LIN7A: variants seen among roughly 807,000 people sequenced by gnomAD.
LIN7A encodes the protein lin-7 cell polarity scaffold A, also known as protein lin-7 homolog A.
In LIN7A, 25 loss-of-function variants were observed where a neutral mutation model predicts 29.8. That is an observed-to-expected ratio of 0.84 (90% CI 0.61 to 1.17). LIN7A has a LOEUF of 1.17. Ranked by LOEUF, LIN7A falls within the 50% of genes most tolerant of loss-of-function variation. The pLI is 0.00. For synonymous variants in LIN7A, 118 were observed against 107.5 expected (o/e 1.10, Z -0.60); for missense variants, 239 against 287.0 (o/e 0.83, Z 1.21).
chr12:80,862,897 T>C (rs1035051457), intron 2 of LIN7A, among the ~76,000 whole-genome samples: 13 of 152,204 alleles, frequency 8.5e-5, no homozygotes, highest in African/African-American at 3.1e-4. Flanking sequence ...AGATTCCAGA[T>C]TGGGCTTACC....
chr12:80,814,847 G>T (rs540559386), intron 4 of LIN7A, among the ~76,000 whole-genome samples: 86 of 152,302 alleles, frequency 5.6e-4, no homozygotes, highest in Non-Finnish European at 2.9e-5. Context: ...AGGCTCAACA[G>T]AGTCAACAGG....
chr12:80,915,153 A>C (rs75252862), intron 1 of LIN7A, among the ~76,000 whole-genome samples: 7,093 of 88,454 alleles, frequency 0.08, 189 homozygotes, highest in Middle Eastern at 0.097. Context: ...ATCAACAAGC[A>C]AAAAAAAAAA....
intron 1 of LIN7A, among the ~76,000 whole-genome samples, chr12:80,923,834 C>A (rs1167960360): frequency 2.0e-5 from 3 of 152,194 alleles, no homozygotes; most frequent in African/African-American, 7.2e-5. Context: ...CTCCATTCCT[C>A]TTTGTTTAGC....
At chr12:80,912,735 G>T (rs1373404691) in intron 1 of LIN7A, among the ~76,000 whole-genome samples, 1 of 146,500 alleles carries the variant, frequency 6.8e-6, no homozygotes. Flanking sequence ...AAAAAGAAAA[G>T]AAAAGAAAAA....
intron 1 of LIN7A, among the ~76,000 whole-genome samples, chr12:80,928,417 T>G (rs1488780533): frequency 1.3e-5 from 2 of 152,202 alleles, no homozygotes; most frequent in African/African-American, 4.8e-5. Context: ...TGAGATGGCA[T>G]CCCATTGTGG....
chr12:80,930,232 A>G (rs1027894988), intron 1 of LIN7A, among the ~76,000 whole-genome samples: 1 of 152,232 alleles, frequency 6.6e-6, no homozygotes, highest in African/African-American at 2.4e-5. Context: ...AGATACTTGA[A>G]TATAACTACA....
At position 80,798,082 on chromosome 12, in the gene LIN7A, T is replaced by C. The variant is rs1003619371; in HGVS notation, c.*1-356A>G. On this transcript the variant is annotated intron_variant, in intron 5 of 5. Transcript: ENST00000552864. ...ATGTTACGACTCTTAGGGCTTTTAGTAGTGCTTTTGTTGAGGTAGAAGCCA... is the reference window on the plus strand; with the variant it reads ...ATGTTACGACTCTTAGGGCTTTTAGCAGTGCTTTTGTTGAGGTAGAAGCCA... Among the ~76,000 whole-genome samples the C allele has an allele frequency of 5.3e-5, 8 of 152,346 alleles. No homozygotes were observed. The East Asian group carries it at 7.7e-4, about 15-fold the overall frequency.
chr12:80,907,183 A>G (rs1030285896), intron 1 of LIN7A, among the ~76,000 whole-genome samples: 3 of 151,882 alleles, frequency 2.0e-5, no homozygotes, highest in African/African-American at 7.3e-5. Flanking sequence ...ACTGTGGGTG[A>G]TAATTACCAT....
At chr12:80,877,070 C>T (rs989831156) in intron 2 of LIN7A, among the ~76,000 whole-genome samples, 1 of 141,662 alleles carries the variant, frequency 7.1e-6, no homozygotes, top group African/African-American at 2.5e-5. Flanking sequence ...TGCAGTGAGT[C>T]GAGATCATGC....
intron 4 of LIN7A, among the ~76,000 whole-genome samples, chr12:80,843,649 C>A (rs553222761): frequency 5.4e-4 from 82 of 152,232 alleles, no homozygotes; most frequent in Admixed American, 2.9e-3. Context: ...ACCAAATTAA[C>A]ACAGGATAGC....
At chr12:80,846,325 G>C (rs1023523796) in intron 3 of LIN7A, among the ~76,000 whole-genome samples, 1 of 152,162 alleles carries the variant, frequency 6.6e-6, no homozygotes, top group African/African-American at 2.4e-5. Flanking sequence ...CTTAAGAGCA[G>C]AGATGGCGTC....
chr12:80,870,390 C>T, intron 2 of LIN7A, among the ~76,000 whole-genome samples: 1 of 152,028 alleles, frequency 6.6e-6, no homozygotes, highest in East Asian at 1.9e-4. Flanking sequence ...TGTAAGTATC[C>T]TCTCTCTTTC....
At chr12:80,807,528 A>G (rs1871103503) in intron 5 of LIN7A, among the ~76,000 whole-genome samples, 1 of 152,210 alleles carries the variant, frequency 6.6e-6, no homozygotes. Context: ...GAATAGGAAC[A>G]TATTTCTTTC....
At chr12:80,918,439 A>G (rs1877130891) in intron 1 of LIN7A, among the ~76,000 whole-genome samples, 1 of 152,072 alleles carries the variant, frequency 6.6e-6, no homozygotes. Flanking sequence ...GCTTATGGGC[A>G]TAATGCAACT....
chr12:80,864,052 G>A (rs996365386), intron 2 of LIN7A, among the ~76,000 whole-genome samples: 2 of 152,046 alleles, frequency 1.3e-5, no homozygotes, highest in African/African-American at 4.8e-5. Flanking sequence ...AAAAAGATTT[G>A]TTAAAACATG....
rs562322285 is a variant in LIN7A at position 80,870,639 on chromosome 12, C to T, written c.201+18612G>A. On this transcript the variant is annotated intron_variant, in intron 2 of 5. Transcript: ENST00000552864. ...CAAATACCTTCTATATGTTTGGTAC[C>T]CTCATCTACAGATTACTGGGAGACC... Among the ~76,000 whole-genome samples, 377 of 152,152 alleles carry T rather than the reference C, an allele frequency of 2.5e-3. 3 individuals are homozygous for T. The highest frequency in any genetic ancestry group is 0.014 in the Middle Eastern group (4 of 294).
At chr12:80,808,786 T>A (rs896058263) in intron 5 of LIN7A, among the ~76,000 whole-genome samples, 2 of 152,106 alleles carry the variant, frequency 1.3e-5, no homozygotes, top group Admixed American at 6.5e-5. Flanking sequence ...ATTACAGGCG[T>A]GAGCCACCAC....
chr12:80,910,144 T>C (rs1269027532), intron 1 of LIN7A, among the ~76,000 whole-genome samples: 1 of 152,180 alleles, frequency 6.6e-6, no homozygotes, highest in Admixed American at 6.6e-5. Flanking sequence ...GTTTTGATGA[T>C]ATTGTAAATA....
In LIN7A at chr12:80,794,178, G is replaced by A. The variant is rs1469124409; in HGVS notation, c.*3549C>T. 3 of 152,070 alleles carry A rather than the reference G, an allele frequency of 2.0e-5. No individual in the cohort carries two copies. Among genetic ancestry groups the A allele is most frequent in the Non-Finnish European group, 2.9e-5 (2 of 67,986 alleles). The allele number at this position is 152,070 out of a possible 1,614,324, so 9.4% of individuals were successfully genotyped here. A position where few individuals can be genotyped will look rare whatever the true frequency, so the allele number is the denominator to read the frequency against. The stretch of plus-strand genomic sequence containing the variant: ...TCAGAAGGCAAAATCCATGTTTTTT[G>A]TCTATTCACTGATTCAGCCACTTAT... On this transcript the variant is annotated 3_prime_UTR_variant, in exon 6 of 6. Transcript: ENST00000552864.
Sources: gnomAD v4.1 joint callset for allele counts (sites outside exome capture counted in the v4.1 genomes callset) on GRCh38, gnomAD v4.1.1 for gene constraint, MANE v1.5 for transcripts, NCBI Gene and HGNC (gene_info 2026-07-23, HGNC 2026-07-21) for gene names.